TBC1D12: variants seen among roughly 807,000 people sequenced by gnomAD.
TBC1D12 encodes the protein TBC1 domain family member 12.
A neutral mutation model predicts 86.7 loss-of-function variants in TBC1D12; 56 were observed. The observed-to-expected ratio is 0.65, with a 90% CI of 0.52 to 0.81. The LOEUF is 0.81. Ranked by LOEUF, TBC1D12 falls within the 30% of genes least tolerant of loss-of-function variation. The pLI is 0.00. For synonymous variants in TBC1D12, 421 were observed against 411.7 expected (o/e 1.02, Z -0.27); for missense variants, 1,023 against 1,038.8 (o/e 0.98, Z 0.21).
chr10:94,451,802 T>G (rs1330410875), intron 2 of TBC1D12, among the ~76,000 whole-genome samples: 1 of 152,074 alleles, frequency 6.6e-6, no homozygotes, highest in African/African-American at 2.4e-5. Context: ...GGAAGACAGT[T>G]TGAAGGCTAA....
chr10:94,409,553 T>G (rs2054903081), intron 1 of TBC1D12, among the ~76,000 whole-genome samples: 1 of 151,920 alleles, frequency 6.6e-6, no homozygotes, highest in Admixed American at 6.6e-5. Context: ...GTTTTGTATT[T>G]TTTATAGAGA....
At chr10:94,412,793 A>G (rs547472366) in intron 1 of TBC1D12, among the ~76,000 whole-genome samples, 1 of 152,326 alleles carries the variant, frequency 6.6e-6, no homozygotes, top group African/African-American at 2.4e-5. Context: ...TTTTCTCCCT[A>G]GGAACTCTGT....
intron 9 of TBC1D12, among the ~76,000 whole-genome samples, chr10:94,519,609 A>G (rs1842087583): frequency 6.6e-6 from 1 of 152,232 alleles, no homozygotes; most frequent in South Asian, 2.1e-4. Context: ...GAAGTCTGAA[A>G]TAGACTTCAC....
intron 9 of TBC1D12, among the ~76,000 whole-genome samples, chr10:94,515,722 A>G (rs2056584075): frequency 2.0e-5 from 3 of 152,236 alleles, no homozygotes; most frequent in Admixed American, 2.0e-4. Context: ...TTTTCTGTAC[A>G]TACATACCTA....
At chr10:94,420,668 A>G (rs1372610938) in intron 1 of TBC1D12, among the ~76,000 whole-genome samples, 1 of 152,118 alleles carries the variant, frequency 6.6e-6, no homozygotes, top group Admixed American at 6.6e-5. Flanking sequence ...TTTAAGGTTC[A>G]TTTATATTGT....
rs184325811 is a variant in TBC1D12 at position 94,430,670 on chromosome 10, A to T, written c.972-11226A>T. Among the ~76,000 whole-genome samples the T allele has an allele frequency of 1.3e-4, 20 of 152,324 alleles. No homozygotes were observed. In the South Asian group the frequency reaches 3.5e-3, roughly 27 times the overall value. Reference sequence around the variant, plus strand: ...ACAGATATGTGAAGCAAATGTTAACATGTATTAATAAGCTAGAGTCATTTA... The same window carrying T: ...ACAGATATGTGAAGCAAATGTTAACTTGTATTAATAAGCTAGAGTCATTTA... On this transcript the variant is annotated intron_variant, in intron 1 of 12. Transcript: ENST00000225235.
chr10:94,447,892 C>G (rs1325357262), intron 2 of TBC1D12, among the ~76,000 whole-genome samples: 1 of 149,220 alleles, frequency 6.7e-6, no homozygotes, highest in African/African-American at 2.5e-5. Flanking sequence ...TGAATATGCA[C>G]TATTTATGCA....
chr10:94,523,671 T>TA (rs112409985), intron 11 of TBC1D12, among the ~76,000 whole-genome samples: 3 of 151,090 alleles, frequency 2.0e-5, no homozygotes, highest in African/African-American at 4.9e-5. Flanking sequence ...TTCTCTAGCT[T>TA]AAAAAAAAAG....
intron 9 of TBC1D12, among the ~76,000 whole-genome samples, chr10:94,520,011 A>G (rs1842102278): frequency 6.6e-6 from 1 of 152,252 alleles, no homozygotes; most frequent in South Asian, 2.1e-4. Context: ...CCCTGTCTTC[A>G]TGGAACTTAA....
chr10:94,414,345 T>C (rs962154917), intron 1 of TBC1D12, among the ~76,000 whole-genome samples: 2 of 152,222 alleles, frequency 1.3e-5, no homozygotes, highest in African/African-American at 4.8e-5. Flanking sequence ...TTTGAAGATA[T>C]TCGTAGAGAG....
intron 3 of TBC1D12, among the ~76,000 whole-genome samples, chr10:94,477,095 T>A (rs1313529514): frequency 6.6e-6 from 1 of 152,138 alleles, no homozygotes; most frequent in Non-Finnish European, 1.5e-5. Context: ...AAAAAGTACT[T>A]TTATTTTCAC....
chr10:94,410,770 G>A (rs2054918610), intron 1 of TBC1D12, among the ~76,000 whole-genome samples: 1 of 152,118 alleles, frequency 6.6e-6, no homozygotes, highest in South Asian at 2.1e-4. Context: ...CAATGCCTGA[G>A]AGATAAGTAA....
intron 2 of TBC1D12, among the ~76,000 whole-genome samples, chr10:94,452,648 T>C (rs2134107355): frequency 6.6e-6 from 1 of 152,306 alleles, no homozygotes; most frequent in East Asian, 1.9e-4. Context: ...TAATATTCTA[T>C]TGTCTGGGAA....
intron 3 of TBC1D12, among the ~76,000 whole-genome samples, chr10:94,490,542 CATT>C (rs1216141277): frequency 6.6e-6 from 1 of 152,066 alleles, no homozygotes; most frequent in Non-Finnish European, 1.5e-5. Flanking sequence ...TTTTTCTTCT[CATT>C]ATGCATTATA....
At chr10:94,410,098 A>C (rs1304894798) in intron 1 of TBC1D12, among the ~76,000 whole-genome samples, 1 of 152,164 alleles carries the variant, frequency 6.6e-6, no homozygotes, top group African/African-American at 2.4e-5. Flanking sequence ...AACTTCTATG[A>C]TCACCTTATT....
chr10:94,403,244 G>A lies in TBC1D12; in HGVS notation c.631G>A (p.Glu211Lys). 2.7e-6 allele frequency: 4 copies of A among 1,507,658 alleles called. No individual in the cohort carries two copies. The highest frequency in any genetic ancestry group is 3.5e-6 in the Non-Finnish European group (4 of 1,129,806). 93.4% of individuals were successfully genotyped at this position (1,507,658 alleles called of 1,614,324 possible). The stretch of plus-strand genomic sequence containing the variant: ...CTGCCTGGTGGCCGCGGACGCCCAG[G>A]AGCCCGAGGGCGCGGGCAGCGACTC... ...SCCLVAADAQ[E>K]PEGAGSDSGD... The change falls in exon 1 of 13, where the codon GAG (glutamate) becomes AAG (lysine). Residue 211 changes from glutamate (E) to lysine (K), a missense_variant. Around this residue, in one of 2 missense-constraint regions of TBC1D12, gnomAD observed 628 missense variants for 531.1 expected, o/e 1.18. Coordinates refer to ENST00000225235, the MANE Select transcript of TBC1D12 (RefSeq NM_015188.2).
intron 1 of TBC1D12, among the ~76,000 whole-genome samples, chr10:94,426,479 TCAATGACTTTCAA>T (rs1411959968): frequency 2.0e-5 from 3 of 152,184 alleles, no homozygotes; most frequent in African/African-American, 7.2e-5. Flanking sequence ...ATTGGATTCA[TCAATGACTTTCAA>T]GTGTTGAATG....
At chr10:94,494,005 T>G (rs2056282019) in intron 4 of TBC1D12, among the ~76,000 whole-genome samples, 2 of 151,796 alleles carry the variant, frequency 1.3e-5, no homozygotes, top group Non-Finnish European at 2.9e-5. Flanking sequence ...TCTAATTATT[T>G]TATAATTTAA....
intron 3 of TBC1D12, among the ~76,000 whole-genome samples, chr10:94,487,062 C>T (rs143831502): frequency 0.022 from 3,335 of 151,896 alleles, 127 homozygotes; most frequent in African/African-American, 0.074. Flanking sequence ...ATATAATGAC[C>T]TTCTTTGTCT....
Sources: gnomAD v4.1 joint callset for allele counts (sites outside exome capture counted in the v4.1 genomes callset) on GRCh38, gnomAD v4.1.1 for gene constraint, gnomAD v4.1.1 regional missense constraint, MANE v1.5 for transcripts, NCBI Gene and HGNC (gene_info 2026-07-23, HGNC 2026-07-21) for gene names.